Variants in PRAM1 observed in about 807,000 individuals in gnomAD.
PRAM1 encodes the protein PML-RARA-regulated adapter molecule 1.
In PRAM1, 41 loss-of-function variants were observed where a neutral mutation model predicts 55.3. The ratio of observed to expected loss-of-function variants is 0.74; its 90% CI spans 0.58 to 0.96. The LOEUF is 0.96. PRAM1 is among the 40% of genes least tolerant of loss of function. PRAM1 has a pLI of 0.00. For synonymous variants in PRAM1, 401 were observed against 387.1 expected, an observed-to-expected ratio of 1.04 and a Z score of -0.42; for missense variants, 898 against 892.7, an observed-to-expected ratio of 1.01 and a Z score of -0.08.
intron 4 of PRAM1, among the ~76,000 whole-genome samples, chr19:8,496,461 A>G (rs1228920647): frequency 2.6e-5 from 4 of 151,674 alleles, no homozygotes; most frequent in Non-Finnish European, 5.9e-5. Context: ...GCGGTGGCTC[A>G]TGACTGTAAT....
chr19:8,492,184 C>T (rs1971639124), intron 4 of PRAM1, among the ~76,000 whole-genome samples: 2 of 151,216 alleles, frequency 1.3e-5, no homozygotes, highest in Non-Finnish European at 2.9e-5. Context: ...ATCCACCCGC[C>T]TCGGCCTCCC....
Position 8,490,550 on chromosome 19 carries a change from T to TGGCGGCGGGGACCTCCCGG in PRAM1, c.1906+25_1907-42dup. Reference sequence around the variant, plus strand: ...GCATGGTGGGTTCTGAGGCCCAGGGTGGCGGCGGGGACCTCCCGGGGCTGC... The same window carrying TGGCGGCGGGGACCTCCCGG: ...GCATGGTGGGTTCTGAGGCCCAGGGTGGCGGCGGGGACCTCCCGGGGCGGCGGGGACCTCCCGGGGCTGC... On this transcript the variant is annotated intron_variant, in intron 7 of 9. Transcript: ENST00000423345. This position sits in a 1 kb window ranked among gnomAD's most constrained non-coding sequence, Gnocchi z 7.3. The TGGCGGCGGGGACCTCCCGG allele has an allele frequency of 1.2e-6, 2 of 1,601,648 alleles. No individual in the cohort carries two copies. Among genetic ancestry groups the TGGCGGCGGGGACCTCCCGG allele is most frequent in the Non-Finnish European group, 1.7e-6 (2 of 1,174,642 alleles).
chr19:8,490,268 A>C lies in PRAM1; in HGVS notation c.1976-42T>G. On this transcript the variant is annotated intron_variant, in intron 9 of 9. Transcript: ENST00000423345. The surrounding 1 kb of genome is among the most constrained non-coding windows in gnomAD (Gnocchi z 7.3). ...ACTTCCATGGACCCCTCTCCCCAGA[A>C]GCCCAATAGTGAGCAGCGCCCCCGG... is the stretch of plus-strand genomic sequence containing the variant. 1 of 1,612,556 alleles carries C rather than the reference A, an allele frequency of 6.2e-7. No homozygotes were observed. The highest frequency in any genetic ancestry group is 8.5e-7 in the Non-Finnish European group (1 of 1,179,120).
intron 4 of PRAM1, among the ~76,000 whole-genome samples, chr19:8,496,548 A>G (rs1473161056): frequency 2.0e-5 from 3 of 151,678 alleles, no homozygotes; most frequent in Non-Finnish European, 2.9e-5. Context: ...AACATGGTGA[A>G]ACCCCATATC....
chr19:8,490,621 TCTC>T lies in PRAM1; in HGVS notation c.1876_1878del (p.Glu626del), dbSNP rs757001686. On this transcript the variant is annotated inframe_deletion, in exon 7 of 10. Transcript: ENST00000423345. This position sits in a 1 kb window ranked among gnomAD's most constrained non-coding sequence, Gnocchi z 7.3. ...TTGCCTTTGGGGTCCCGGCACAGCA[TCTC>T]CTCATTGCTGGTGAACTCGATCACC... 6.9e-6 allele frequency: 11 copies of T among 1,585,234 alleles called. No homozygotes were observed. Among genetic ancestry groups the T allele is most frequent in the East Asian group, 6.9e-5 (3 of 43,246 alleles).
intron 1 of PRAM1, among the ~76,000 whole-genome samples, chr19:8,502,131 G>C (rs143538767): frequency 1.1e-4 from 16 of 152,328 alleles, no homozygotes; most frequent in Non-Finnish European, 1.5e-4. Flanking sequence ...TGGTTTGAAG[G>C]AAGTGCTCCC....
At position 8,490,960 on chromosome 19, in the gene PRAM1, G is replaced by A; in HGVS notation, c.1670C>T (p.Pro557Leu). Residue 557 changes from proline to leucine, a missense_variant, in exon 6 of 10, where the codon CCC becomes CTC. Transcript: ENST00000423345. The surrounding 1 kb of genome is among the most constrained non-coding windows in gnomAD (Gnocchi z 7.3). ...CTGCTTCAGCAACTTTGGGTCCATGGGTGGCAACTGCTGTGGCTGGGGATC... is the reference window on the plus strand; with the variant it reads ...CTGCTTCAGCAACTTTGGGTCCATGAGTGGCAACTGCTGTGGCTGGGGATC... The part of the protein sequence containing the change: ...EKDPQPQQLP[P>L]MDPKLLKQLR... The A allele has an allele frequency of 1.2e-6, 2 of 1,613,734 alleles. No individual in the cohort carries two copies. The highest frequency in any genetic ancestry group is 1.7e-6 in the Non-Finnish European group (2 of 1,179,876).
intron 4 of PRAM1, 34 bp downstream of exon 4, chr19:8,497,730 G>A (rs552848869): frequency 2.6e-5 from 40 of 1,564,962 alleles, no homozygotes; most frequent in African/African-American, 2.1e-4. Context: ...TGCCCCGAAT[G>A]TTTTGCAGGG....
At chr19:8,496,121 T>C (rs1971696335) in intron 4 of PRAM1, 2 of 455,624 alleles carry the variant, frequency 4.4e-6, no homozygotes, top group Non-Finnish European at 8.8e-6. Context: ...ACACAACAGG[T>C]CTAAGTAAAT....
chr19:8,498,380 G>A lies in PRAM1; in HGVS notation c.1428C>T (p.Ser476=), dbSNP rs538003572. 1.9e-5 allele frequency: 30 copies of A among 1,582,580 alleles called. No homozygotes were observed. The African/African-American group carries it at 4.0e-4, about 21-fold the overall frequency. The change falls in exon 2 of 10, where the codon TCC becomes TCT. Residue 476 remains serine (S), a synonymous_variant. Coordinates refer to ENST00000423345, the MANE Select transcript of PRAM1 (RefSeq NM_032152.5). Reference sequence around the variant, plus strand: ...GTGCCGCCCGCCCTCACCCACCTATGGATGCTGCAGAGGGTCTCCGAAAGC... The same window carrying A: ...GTGCCGCCCGCCCTCACCCACCTATAGATGCTGCAGAGGGTCTCCGAAAGC... ...MQSFRRPSAA[S]IDLRRTRSAA...
chr19:8,499,846 T>C, intron 1 of PRAM1, 66 bp from the exon 2 acceptor site: 1 of 1,391,880 alleles, frequency 7.2e-7, no homozygotes, highest in Non-Finnish European at 9.7e-7. Context: ...AGGATGGGCC[T>C]GGGGACCCTC....
chr19:8,499,273 G>C lies in PRAM1; in HGVS notation c.535C>G (p.Pro179Ala). 1 of 1,609,954 alleles carries C rather than the reference G, an allele frequency of 6.2e-7. No homozygotes were observed. ...GCGCCGGATTTGGGTTCGGAGGGGG[G>C]TCTGGCGGGGTGACTGAGTTCGTCG... ...QPDELSHPAR[P>A]PSEPKSGAFP... The change falls in exon 2 of 10, where the codon CCC becomes GCC. Residue 179 changes from proline to alanine, a missense_variant. Physicochemically the swap from Pro to Ala is conservative, Grantham distance 27. Coordinates refer to ENST00000423345, the MANE Select transcript of PRAM1 (RefSeq NM_032152.5).
chr19:8,499,665 G>A lies in PRAM1; in HGVS notation c.143C>T (p.Ser48Phe). ...KPEFGKLKKF[S>F]QPELSEHPKK... ...GGGGTGCTCGCTTAGCTCAGGCTGG[G>A]AGAACTTCTTCAGTTTACCAAACTC... The change falls in exon 2 of 10, where the codon TCC becomes TTC. Residue 48 changes from serine to phenylalanine, a missense_variant. By Grantham distance (155) the Ser-to-Phe change is radical. Transcript: ENST00000423345. 6.2e-7 allele frequency: 1 copy of A among 1,613,864 alleles called. No individual in the cohort carries two copies. The highest frequency in any genetic ancestry group is 8.5e-7 in the Non-Finnish European group (1 of 1,179,854).
intron 1 of PRAM1, among the ~76,000 whole-genome samples, chr19:8,501,947 G>A (rs1971812154): frequency 6.6e-6 from 1 of 152,170 alleles, no homozygotes; most frequent in African/African-American, 2.4e-5. Flanking sequence ...TCCTACAAAC[G>A]CCCCTTTCAC....
At position 8,499,763 on chromosome 19, in the gene PRAM1, G is replaced by C. The variant is rs185321110; in HGVS notation, c.45C>G (p.Phe15Leu). The C allele has an allele frequency of 8.9e-5, 143 of 1,606,946 alleles. 1 individual carries two copies. In the East Asian group the frequency reaches 2.1e-3, roughly 24 times the overall value. The change falls in exon 2 of 10, where the codon TTC becomes TTG. Residue 15 changes from phenylalanine to leucine, a missense_variant. Transcript: ENST00000423345. ...LPAAMESHQD[F>L]RSIKAKFQAS... is the part of the protein sequence containing the mutation. ...CCTGGAACTTTGCTTTGATGCTCCG[G>C]AAGTCCTGATGGCTCTCCTAGGAGA...
chr19:8,499,011 G>T lies in PRAM1; in HGVS notation c.797C>A (p.Ser266Tyr). The change falls in exon 2 of 10, where the codon TCC (serine) becomes TAC (tyrosine). Residue 266 changes from serine to tyrosine, a missense_variant. Physicochemically the swap from Ser to Tyr is moderately radical, Grantham distance 144. Transcript: ENST00000423345. The stretch of plus-strand genomic sequence containing the variant: ...GGAGGCCTTTTTGGGAAAGGCGCTG[G>T]AGTCGCGCTTCGGCTCGCTGGACTG... ...KPQSSEPKRD[S>Y]SAFPKKASQP... The T allele has an allele frequency of 6.2e-7, 1 of 1,613,750 alleles. No individual in the cohort carries two copies. Among genetic ancestry groups the T allele is most frequent in the Non-Finnish European group, 8.5e-7 (1 of 1,179,828 alleles).
chr19:8,494,408 T>G (rs1022359536), intron 4 of PRAM1, among the ~76,000 whole-genome samples: 4 of 152,134 alleles, frequency 2.6e-5, no homozygotes, highest in African/African-American at 9.7e-5. Context: ...GGAAGCTGTG[T>G]GCTCACAGGG....
In PRAM1 at chr19:8,497,783, G is replaced by T. The variant is rs1162891186; in HGVS notation, c.1557C>A (p.Ser519Arg). Residue 519 changes from serine (S) to arginine (R), a missense_variant, in exon 4 of 10, where the codon AGC becomes AGA. This residue lies in a region of PRAM1 where 787 missense variants were observed against 735.4 expected (regional missense o/e 1.07). Transcript: ENST00000423345. ...ACAAACCTCTGCCCTTGGGGCTGGGGCTGGAGTCATCTCTGGGTTCCACAT... is the reference window on the plus strand; with the variant it reads ...ACAAACCTCTGCCCTTGGGGCTGGGTCTGGAGTCATCTCTGGGTTCCACAT... Reference protein sequence around the residue: ...YDDVEPRDDSSPSPKGRDEAP... With the variant: ...YDDVEPRDDSRPSPKGRDEAP... 13 of 1,612,390 alleles carry T rather than the reference G, an allele frequency of 8.1e-6. No individual in the cohort carries two copies. Among genetic ancestry groups the T allele is most frequent in the Non-Finnish European group, 9.3e-6 (11 of 1,179,474 alleles).
chr19:8,490,341 A>C lies in PRAM1; in HGVS notation c.1972T>G (p.Cys658Gly), dbSNP rs1971594840. ...ETEVYDDVDF[C>G]DPLENQPLPL... is the part of the protein sequence containing the mutation. Reference sequence around the variant, plus strand: ...CCCTCCCAGAGTGTCCACGTACCGCAGAAGTCGACATCATCGTACACCTCC... The same window carrying C: ...CCCTCCCAGAGTGTCCACGTACCGCCGAAGTCGACATCATCGTACACCTCC... Residue 658 changes from cysteine (C) to glycine (G), a missense_variant, in exon 9 of 10, where the codon TGC (cysteine) becomes GGC (glycine). Cys to Gly is a radical substitution (Grantham distance 159). Coordinates refer to ENST00000423345, the MANE Select transcript of PRAM1 (RefSeq NM_032152.5). This position sits in a 1 kb window ranked among gnomAD's most constrained non-coding sequence, Gnocchi z 7.3. 1.9e-6 allele frequency: 3 copies of C among 1,613,884 alleles called. No homozygotes were observed. The highest frequency in any genetic ancestry group is 8.5e-7 in the Non-Finnish European group (1 of 1,179,902).
Sources: allele counts gnomAD v4.1 joint callset (sites outside exome capture counted in the v4.1 genomes callset), GRCh38; gene constraint gnomAD v4.1.1; regional missense constraint gnomAD v4.1.1; non-coding constraint Gnocchi (gnomAD v3.1); transcripts MANE v1.5; gene names NCBI Gene and HGNC (gene_info 2026-07-23, HGNC 2026-07-21).